LAMA2: variants seen among roughly 807,000 people sequenced by gnomAD.
The protein encoded by LAMA2 is laminin subunit alpha-2.
LAMA2 carries 269 observed loss-of-function variants against 364.8 expected under a neutral mutation model. The observed-to-expected ratio is 0.74, with a 90% CI of 0.67 to 0.82. LAMA2 has a LOEUF of 0.82. Ranked by LOEUF, LAMA2 falls within the 40% of genes least tolerant of loss-of-function variation. The pLI, the probability that LAMA2 is intolerant of heterozygous loss-of-function variation, is 0.00. For missense variants in LAMA2, 3,807 were observed against 3,873.2 expected (o/e 0.98, Z 0.45); for synonymous variants, 1,379 against 1,370.6 (o/e 1.01, Z -0.14).
intron 5 of LAMA2, among the ~76,000 whole-genome samples, chr6:129,144,542 C>G (rs971403643): frequency 2.6e-5 from 4 of 151,842 alleles, no homozygotes; most frequent in Non-Finnish European, 5.9e-5. Context: ...ATGTCTTAAA[C>G]CTTAATGTGT....
At chr6:128,929,873 A>G in intron 1 of LAMA2, 2 of 945,402 alleles carry the variant, frequency 2.1e-6, no homozygotes, top group Non-Finnish European at 3.4e-6. Context: ...CCACGAGTGA[A>G]GATCAGGTGA....
chr6:129,064,903 C>T (rs1432394672), intron 3 of LAMA2, among the ~76,000 whole-genome samples: 1 of 152,172 alleles, frequency 6.6e-6, no homozygotes, highest in Non-Finnish European at 1.5e-5. Context: ...TACTTCCAAA[C>T]TTATTTTATG....
At position 129,349,318 on chromosome 6, in the gene LAMA2, CAGA is replaced by C; in HGVS notation, c.4460_4462del (p.Glu1487del). On this transcript the variant is annotated inframe_deletion, in exon 31 of 65. Coordinates refer to ENST00000421865, the MANE Select transcript of LAMA2 (RefSeq NM_000426.4). ...TTCAGTTTCAGCCCCTCTTGTGTCG[CAGA>C]AGGACTTGACGACTACCGCTGCACG... The C allele has an allele frequency of 6.2e-7, 1 of 1,613,416 alleles. No homozygotes were observed. The highest frequency in any genetic ancestry group is 8.5e-7 in the Non-Finnish European group (1 of 1,179,554).
At chr6:129,165,186 G>GTTT (rs77348632) in intron 8 of LAMA2, among the ~76,000 whole-genome samples, 1 of 140,130 alleles carries the variant, frequency 7.1e-6, no homozygotes, top group Admixed American at 7.2e-5. Context: ...AAATAATTTA[G>GTTT]TTTTTTTTTT....
chr6:128,937,407 G>C (rs896542432), intron 1 of LAMA2, among the ~76,000 whole-genome samples: 2 of 151,912 alleles, frequency 1.3e-5, no homozygotes, highest in Non-Finnish European at 2.9e-5. Context: ...CCCTCCAAGT[G>C]TCTGGTCTTG....
rs2114890769 is a variant in LAMA2 at position 129,503,107 on chromosome 6, GAAGT to G, written c.8378_8381del (p.Val2793GlufsTer25). The G allele has an allele frequency of 6.2e-7, 1 of 1,614,106 alleles. No individual in the cohort carries two copies. Among genetic ancestry groups the G allele is most frequent in the Non-Finnish European group, 8.5e-7 (1 of 1,179,968 alleles). ...GTTTCACAGTCTCACAATTGAGTTGGAAGTAAGAACCGAAGCTGAATCCGGCTTG... is the reference window on the plus strand; with the variant it reads ...GTTTCACAGTCTCACAATTGAGTTGGAAGAACCGAAGCTGAATCCGGCTTG... On this transcript the variant is annotated frameshift_variant, in exon 60 of 65. Transcript: ENST00000421865. LOFTEE classifies it high-confidence loss of function.
intron 1 of LAMA2, among the ~76,000 whole-genome samples, chr6:128,911,348 T>G (rs925528168): frequency 1.1e-4 from 16 of 152,174 alleles, no homozygotes; most frequent in Middle Eastern, 3.4e-3. Flanking sequence ...GGTTCGCCGT[T>G]TTTTAAGCCC....
intron 19 of LAMA2, among the ~76,000 whole-genome samples, chr6:129,290,575 G>A (rs977134175): frequency 6.6e-6 from 1 of 152,068 alleles, no homozygotes; most frequent in Admixed American, 6.5e-5. Flanking sequence ...TTAATTTTAG[G>A]TTGTGTTCAA....
chr6:129,120,964 G>C (rs1776771537), intron 4 of LAMA2, among the ~76,000 whole-genome samples: 1 of 152,176 alleles, frequency 6.6e-6, no homozygotes, highest in South Asian at 2.1e-4. Context: ...ACATGAATCA[G>C]TATGCCCCTT....
At chr6:129,257,766 G>A (rs1047181124) in intron 14 of LAMA2, among the ~76,000 whole-genome samples, 4 of 152,058 alleles carry the variant, frequency 2.6e-5, no homozygotes, top group East Asian at 1.9e-4. Flanking sequence ...ACATTCAGGC[G>A]AGTTCTGGTC....
chr6:129,330,100 G>A (rs1775542118), intron 29 of LAMA2, among the ~76,000 whole-genome samples: 1 of 151,638 alleles, frequency 6.6e-6, no homozygotes, highest in Non-Finnish European at 1.5e-5. Flanking sequence ...CTAGTTGCAG[G>A]AAAACAAGCT....
intron 53 of LAMA2, among the ~76,000 whole-genome samples, chr6:129,477,828 G>C (rs1003510319): frequency 6.6e-6 from 1 of 152,090 alleles, no homozygotes; most frequent in African/African-American, 2.4e-5. Flanking sequence ...CTGTAGCCCA[G>C]GCTGGAGTGC....
intron 2 of LAMA2, among the ~76,000 whole-genome samples, chr6:129,056,726 GA>G (rs1210812317): frequency 6.6e-6 from 1 of 152,016 alleles, no homozygotes; most frequent in East Asian, 1.9e-4. Flanking sequence ...CAAATTTAGT[GA>G]ATATTCAGCT....
At chr6:128,917,520 A>G (rs1371697407) in intron 1 of LAMA2, among the ~76,000 whole-genome samples, 1 of 152,060 alleles carries the variant, frequency 6.6e-6, no homozygotes, top group African/African-American at 2.4e-5. Context: ...ACATATTGTT[A>G]CAGTTAGTCC....
intron 1 of LAMA2, among the ~76,000 whole-genome samples, chr6:129,019,905 G>A (rs1210195889): frequency 2.0e-5 from 3 of 152,028 alleles, no homozygotes; most frequent in Non-Finnish European, 4.4e-5. Flanking sequence ...CCAACATGGC[G>A]AAACCCTGGT....
intron 49 of LAMA2, 150 bp from the exon 50 acceptor site, chr6:129,464,140 G>A: frequency 1.4e-6 from 1 of 722,870 alleles, no homozygotes; most frequent in East Asian, 2.7e-5. Flanking sequence ...GGTGGCAGTA[G>A]AGATGGAGAT....
intron 3 of LAMA2, among the ~76,000 whole-genome samples, chr6:129,072,422 G>GT (rs1773378131): frequency 6.6e-6 from 1 of 151,982 alleles, no homozygotes; most frequent in Non-Finnish European, 1.5e-5. Context: ...CGTGATATAG[G>GT]TTTTCTCATA....
chr6:129,019,651 A>AT (rs1039997282), intron 1 of LAMA2, among the ~76,000 whole-genome samples: 1 of 152,028 alleles, frequency 6.6e-6, no homozygotes, highest in Non-Finnish European at 1.5e-5. Flanking sequence ...TGTCCTCCAG[A>AT]TTTTTTCCCC....
At chr6:129,315,997 G>A (rs776642581) in intron 26 of LAMA2, 41 bp from the exon 27 acceptor site, 11 of 1,613,856 alleles carry the variant, frequency 6.8e-6, no homozygotes, top group Non-Finnish European at 9.3e-6. Context: ...CAATGGTTTT[G>A]CATTCAGTTT....
Sources: allele counts gnomAD v4.1 joint callset (sites outside exome capture counted in the v4.1 genomes callset), GRCh38; gene constraint gnomAD v4.1.1; transcripts MANE v1.5; gene names NCBI Gene and HGNC (gene_info 2026-07-23, HGNC 2026-07-21).